The following NHS variants were observed in gnomAD, a reference collection of about 807,000 sequenced individuals.
NHS encodes the protein actin remodeling regulator NHS.
In NHS, 5 loss-of-function variants were observed where a neutral mutation model predicts 72.5. The observed-to-expected ratio is 0.07, with a 90% CI of 0.04 to 0.14. The LOEUF is 0.14. Ranked by LOEUF, NHS falls within the 10% of genes least tolerant of loss-of-function variation. NHS has a pLI of 1.00. For synonymous variants in NHS, 464 were observed against 547.7 expected, an observed-to-expected ratio of 0.85 and a Z score of 2.13; for missense variants, 1,072 against 1,355.7, an observed-to-expected ratio of 0.79 and a Z score of 3.29.
chrX:17,661,295 T>C (rs781350910), intron 1 of NHS, among the ~76,000 whole-genome samples: 12 of 111,466 alleles, frequency 1.1e-4, no homozygotes, highest in South Asian at 7.9e-4. Flanking sequence ...GGGATACATG[T>C]GCAGAACGTG....
In NHS at chrX:17,725,853, C is replaced by T. The variant is rs753449273; in HGVS notation, c.1747C>T (p.Arg583Cys). Residue 583 changes from arginine (R) to cysteine (C), a missense_variant, in exon 7 of 9, where the codon CGT (arginine) becomes TGT (cysteine). By Grantham distance (180) the Arg-to-Cys change is radical (BLOSUM62 -3). Transcript: ENST00000676302. ...CAAATTAAGTGAGAGGGGAAGGTCA[C>T]GTCTGTCCCGAATGGCTGCTGACTC... ...QHKLSERGRS[R>C]LSRMAADSGS... 46 of 1,209,704 alleles carry T rather than the reference C, an allele frequency of 3.8e-5. No individual in the cohort carries two copies. In the South Asian group the frequency reaches 7.0e-4, roughly 19 times the overall value.
intron 1 of NHS, among the ~76,000 whole-genome samples, chrX:17,623,107 T>C (rs2065781914): frequency 9.0e-6 from 1 of 110,726 alleles, no homozygotes; most frequent in South Asian, 3.9e-4. Context: ...TTTTCTTTTA[T>C]TTTTTGTATA....
chrX:17,663,318 G>GT (rs1193473872), intron 1 of NHS, among the ~76,000 whole-genome samples: 2 of 111,591 alleles, frequency 1.8e-5, no homozygotes, highest in African/African-American at 6.5e-5. Context: ...ATACATCCAT[G>GT]TAACAACCTC....
chrX:17,610,692 T>C (rs2065706756), intron 1 of NHS, among the ~76,000 whole-genome samples: 1 of 112,589 alleles, frequency 8.9e-6, no homozygotes, highest in Non-Finnish European at 1.9e-5. Flanking sequence ...TGGATTGAAT[T>C]CTACATCTAT....
At chrX:17,503,181 T>C (rs1327480658) in intron 1 of NHS, among the ~76,000 whole-genome samples, 1 of 112,699 alleles carries the variant, frequency 8.9e-6, no homozygotes, top group Non-Finnish European at 1.9e-5. Context: ...TTATTTGAAT[T>C]CTTGGGTTTT....
chrX:17,616,826 T>C (rs1243532120), intron 1 of NHS, among the ~76,000 whole-genome samples: 2 of 112,586 alleles, frequency 1.8e-5, no homozygotes, highest in Admixed American at 1.9e-4. Context: ...AACAAAATTT[T>C]TAAATTCCAT....
chrX:17,626,087 G>T (rs1016795417), intron 1 of NHS, among the ~76,000 whole-genome samples: 2 of 112,431 alleles, frequency 1.8e-5, no homozygotes, highest in Admixed American at 1.9e-4. Flanking sequence ...AAAATTCAGT[G>T]CCTTATTCAC....
chrX:17,465,327 T>TG (rs2064866343), intron 1 of NHS, among the ~76,000 whole-genome samples: 4 of 111,473 alleles, frequency 3.6e-5, no homozygotes. Context: ...AGCAAAAATA[T>TG]GGAAGGAATT....
chrX:17,462,638 C>G (rs1001668278), intron 1 of NHS, among the ~76,000 whole-genome samples: 2 of 112,085 alleles, frequency 1.8e-5, no homozygotes, highest in Non-Finnish European at 3.8e-5. Context: ...CCATCAAAGA[C>G]TGCTTTTATC....
At chrX:17,682,922 C>T (rs1173949734) in intron 1 of NHS, among the ~76,000 whole-genome samples, 2 of 111,342 alleles carry the variant, frequency 1.8e-5, no homozygotes, top group Admixed American at 9.5e-5. Flanking sequence ...CCTTCCCAGT[C>T]GTTCATAAAA....
intron 1 of NHS, among the ~76,000 whole-genome samples, chrX:17,578,378 G>A (rs1392132976): frequency 8.9e-6 from 1 of 112,325 alleles, no homozygotes; most frequent in Non-Finnish European, 1.9e-5. Context: ...GATGCCTCCT[G>A]CATCCCAGCA....
chrX:17,659,434 C>T (rs943676647), intron 1 of NHS, among the ~76,000 whole-genome samples: 1 of 112,016 alleles, frequency 8.9e-6, no homozygotes, highest in African/African-American at 3.2e-5. Flanking sequence ...CCATCTGGTC[C>T]AACCTCTGTA....
At chrX:17,688,549 A>G (rs2066177395) in intron 2 of NHS, among the ~76,000 whole-genome samples, 2 of 111,530 alleles carry the variant, frequency 1.8e-5, no homozygotes, top group Admixed American at 9.5e-5. Flanking sequence ...GCTTCTCTTG[A>G]GAACCAGTGA....
intron 1 of NHS, among the ~76,000 whole-genome samples, chrX:17,433,844 C>T (rs2064706937): frequency 8.9e-6 from 1 of 112,057 alleles, no homozygotes. Context: ...TAAATTGGTG[C>T]AGTTTTAAAA....
intron 2 of NHS, 53 bp downstream of exon 2, chrX:17,687,947 C>G: frequency 8.7e-7 from 1 of 1,155,940 alleles, no homozygotes; most frequent in East Asian, 3.1e-5. Context: ...GGAGGTTGTC[C>G]CATCCAGGTG....
chrX:17,570,100 C>G (rs1359549311), intron 1 of NHS, among the ~76,000 whole-genome samples: 1 of 111,847 alleles, frequency 8.9e-6, no homozygotes, highest in Non-Finnish European at 1.9e-5. Context: ...AGTCAGGTAG[C>G]ATGATGCCTC....
chrX:17,398,335 C>G (rs570429851), intron 1 of NHS, among the ~76,000 whole-genome samples: 18 of 111,862 alleles, frequency 1.6e-4, no homozygotes, highest in Admixed American at 9.5e-5. Flanking sequence ...GACCAGTCCC[C>G]CATCTTTCCT....
At position 17,734,595 on chromosome X, in the gene NHS, AC is replaced by A. The variant is rs1474196521; in HGVS notation, c.*2132del. ...TACCTGGTAAAGGGTTTGAACATTT[AC>A]AAAATGTCACACTTTTTCTTAAAAG... is the stretch of plus-strand genomic sequence containing the variant. On this transcript the variant is annotated 3_prime_UTR_variant, in exon 9 of 9. Coordinates refer to ENST00000676302, the MANE Select transcript of NHS (RefSeq NM_001291867.2). 9.0e-6 allele frequency: 1 copy of A among 111,387 alleles called. No homozygotes were observed. The highest frequency in any genetic ancestry group is 3.3e-5 in the African/African-American group (1 of 30,428). The allele number at this position is 111,387 out of a possible 1,213,427, so 9.2% of individuals were successfully genotyped here.
chrX:17,566,437 G>A lies in NHS; in HGVS notation c.566-121305G>A, dbSNP rs1161860689. Among the ~76,000 whole-genome samples, 4 of 111,932 alleles carry A rather than the reference G, an allele frequency of 3.6e-5. No homozygotes were observed. The East Asian group carries it at 8.4e-4, about 24-fold the overall frequency. ...GATTTCTTTAATGTTGCACACACCA[G>A]CTCCCACTGGACTTTACCTACGTGA... On this transcript the variant is annotated intron_variant, in intron 1 of 8. Transcript: ENST00000676302.
Sources: allele counts gnomAD v4.1 joint callset (sites outside exome capture counted in the v4.1 genomes callset), GRCh38; gene constraint gnomAD v4.1.1; transcripts MANE v1.5; gene names NCBI Gene and HGNC (gene_info 2026-07-23, HGNC 2026-07-21).